The following NEDD4 variants were observed in gnomAD, a reference collection of about 807,000 sequenced individuals.
The protein encoded by NEDD4 is E3 ubiquitin-protein ligase NEDD4.
A neutral mutation model predicts 144.9 loss-of-function variants in NEDD4; 99 were observed. That is an observed-to-expected ratio of 0.68 (90% CI 0.58 to 0.81). The LOEUF (loss-of-function observed/expected upper bound fraction) is 0.81, where lower values mean the gene tolerates loss of function less well. Among genes scored for constraint, NEDD4 ranks in the 30% least tolerant of loss-of-function variants. The pLI is 0.00. For missense variants in NEDD4, 985 were observed against 1,065.9 expected (o/e 0.92, Z 1.06); for synonymous variants, 318 against 350.6 (o/e 0.91, Z 1.04).
At chr15:55,831,621 G>A (rs896387637) in intron 27 of NEDD4, among the ~76,000 whole-genome samples, 1 of 152,202 alleles carries the variant, frequency 6.6e-6, no homozygotes, top group East Asian at 1.9e-4. Flanking sequence ...TAACCACTTT[G>A]AGTGGTTACT....
chr15:55,983,423 G>A (rs1449948718), intron 1 of NEDD4, among the ~76,000 whole-genome samples: 3 of 152,052 alleles, frequency 2.0e-5, no homozygotes, highest in Non-Finnish European at 1.5e-5. Flanking sequence ...CTGACGTTGT[G>A]CCTCTTGTTT....
intron 5 of NEDD4, among the ~76,000 whole-genome samples, chr15:55,887,876 T>G (rs2035443852): frequency 6.6e-6 from 1 of 152,090 alleles, no homozygotes; most frequent in Admixed American, 6.5e-5. Context: ...AATGAAGTAT[T>G]GATTATAAAC....
At chr15:55,890,352 C>T (rs1167012955) in intron 5 of NEDD4, among the ~76,000 whole-genome samples, 4 of 152,134 alleles carry the variant, frequency 2.6e-5, no homozygotes, top group Non-Finnish European at 4.4e-5. Context: ...GCATTCACTG[C>T]CCATTTCCCC....
Position 55,873,978 on chromosome 15 carries a change from C to T in NEDD4, c.322G>A (p.Val108Ile). ...CCAACCGGTAATGGATAAAGTGGAACATCCACTTGACCTAGGAAATCATCT... is the reference window on the plus strand; with the variant it reads ...CCAACCGGTAATGGATAAAGTGGAATATCCACTTGACCTAGGAAATCATCT... ...TRDDFLGQVD[V>I]PLYPLPTENP... Residue 108 changes from valine to isoleucine, a missense_variant, in exon 6 of 29, where the codon GTT becomes ATT. Transcript: ENST00000435532. 3 of 1,546,428 alleles carry T rather than the reference C, an allele frequency of 1.9e-6. No individual in the cohort carries two copies. Among genetic ancestry groups the T allele is most frequent in the African/African-American group, 1.4e-5 (1 of 73,184 alleles).
rs2142301222 is a variant in NEDD4, at chr15:55,951,425, A to AGT, written c.199-12_199-11insAC. 8.8e-7 allele frequency: 1 copy of AGT among 1,138,250 alleles called. No homozygotes were observed. Among genetic ancestry groups the AGT allele is most frequent in the South Asian group, 1.5e-5 (1 of 65,724 alleles). 70.5% of individuals were successfully genotyped at this position (1,138,250 alleles called of 1,614,324 possible). On this transcript the variant is annotated splice_polypyrimidine_tract_variant and intron_variant, in intron 3 of 28. Transcript: ENST00000435532. ...CTTTGGATTCAAACTCTAAAAAATA[A>AGT]TAAACATAGTATAACTAAATAAGGT...
rs1420610101 is a variant in NEDD4 at position 55,827,222 on chromosome 15, G to A, written c.*2675C>T. ...TGTTAAAAATTTTTAATAAGAGATT[G>A]TAGGCTAAAGTTATATGCTTGTAAT... On this transcript the variant is annotated 3_prime_UTR_variant, in exon 29 of 29. Transcript: ENST00000435532. 1 of 152,178 alleles carries A rather than the reference G, an allele frequency of 6.6e-6. No individual in the cohort carries two copies. Among genetic ancestry groups the A allele is most frequent in the East Asian group, 1.9e-4 (1 of 5,198 alleles). 9.4% of individuals were successfully genotyped at this position (152,178 alleles called of 1,614,324 possible).
chr15:55,863,193 C>T, intron 8 of NEDD4, 114 bp from the exon 9 acceptor site: 3 of 878,824 alleles, frequency 3.4e-6, no homozygotes, highest in South Asian at 3.2e-5. Flanking sequence ...AGAAATTATG[C>T]ATAGACAGAA....
At chr15:55,937,842 C>G (rs1445030567) in intron 4 of NEDD4, among the ~76,000 whole-genome samples, 3 of 152,128 alleles carry the variant, frequency 2.0e-5, no homozygotes, top group African/African-American at 7.2e-5. Context: ...TCATACAGAA[C>G]TACAAAAGAC....
At chr15:55,973,184 T>C (rs2037640544) in intron 1 of NEDD4, among the ~76,000 whole-genome samples, 2 of 152,226 alleles carry the variant, frequency 1.3e-5, no homozygotes, top group Admixed American at 6.5e-5. Context: ...ATAATACATA[T>C]TCTTCTCCTG....
At chr15:55,912,172 T>C (rs2036296935) in intron 5 of NEDD4, among the ~76,000 whole-genome samples, 2 of 152,242 alleles carry the variant, frequency 1.3e-5, no homozygotes, top group Non-Finnish European at 2.9e-5. Context: ...ATATAAGTGC[T>C]GCTCAAAATA....
chr15:55,887,610 G>A (rs2035435536), intron 5 of NEDD4, among the ~76,000 whole-genome samples: 1 of 152,128 alleles, frequency 6.6e-6, no homozygotes, highest in South Asian at 2.1e-4. Context: ...CAGAGGAGGA[G>A]GGAATACTTC....
At chr15:55,863,243 T>G (rs1221035696) in intron 8 of NEDD4, among the ~76,000 whole-genome samples, 164 bp from the exon 9 acceptor site, 1 of 152,178 alleles carries the variant, frequency 6.6e-6, no homozygotes, top group African/African-American at 2.4e-5. Context: ...TGTAAATACT[T>G]TATGATAATG....
At chr15:55,972,365 A>G (rs2037626648) in intron 1 of NEDD4, among the ~76,000 whole-genome samples, 1 of 152,188 alleles carries the variant, frequency 6.6e-6, no homozygotes, top group Non-Finnish European at 1.5e-5. Flanking sequence ...GAAACAATAA[A>G]AAGTTAAAAA....
intron 2 of NEDD4, among the ~76,000 whole-genome samples, chr15:55,957,573 A>T (rs1258734582): frequency 6.6e-6 from 1 of 152,138 alleles, no homozygotes; most frequent in East Asian, 1.9e-4. Context: ...GCGATTCCTC[A>T]AGGATCTAGA....
chr15:55,874,695 T>G (rs2034926653), intron 5 of NEDD4, among the ~76,000 whole-genome samples: 1 of 152,144 alleles, frequency 6.6e-6, no homozygotes, highest in South Asian at 2.1e-4. Context: ...AAATCAACAC[T>G]GGGCATGGAG....
chr15:55,901,645 T>C (rs1277094774), intron 5 of NEDD4, among the ~76,000 whole-genome samples: 1 of 152,196 alleles, frequency 6.6e-6, no homozygotes, highest in East Asian at 1.9e-4. Context: ...TGTGTATTTT[T>C]ACTTGACTTT....
chr15:55,831,850 GCCT>G (rs1173773870), intron 27 of NEDD4, among the ~76,000 whole-genome samples: 3 of 152,138 alleles, frequency 2.0e-5, no homozygotes, highest in Admixed American at 6.5e-5. Flanking sequence ...TTCTGAGTAG[GCCT>G]CCTACTTTAG....
At chr15:55,837,764 A>G in intron 24 of NEDD4, 25 bp downstream of exon 24, 4 of 1,580,440 alleles carry the variant, frequency 2.5e-6, no homozygotes, top group Non-Finnish European at 3.5e-6. Flanking sequence ...ACATTATGGA[A>G]GAGCAAATAA....
At chr15:55,840,034 ATATATAT>A (rs1566901300) in intron 21 of NEDD4, among the ~76,000 whole-genome samples, 40 of 92,568 alleles carry the variant, frequency 4.3e-4, no homozygotes, top group Admixed American at 1.3e-3. Context: ...ATATATATAT[ATATATAT>A]AACATTCATC....
Sources: gnomAD v4.1 joint callset for allele counts (sites outside exome capture counted in the v4.1 genomes callset) on GRCh38, gnomAD v4.1.1 for gene constraint, MANE v1.5 for transcripts, NCBI Gene and HGNC (gene_info 2026-07-23, HGNC 2026-07-21) for gene names.